Variants in MBTPS1 observed in about 807,000 individuals in gnomAD.
MBTPS1 encodes the protein membrane bound transcription factor peptidase, site 1, also known as membrane-bound transcription factor site-1 protease.
Under a neutral mutation model 127.8 loss-of-function variants are expected in MBTPS1, and 94 were observed. That is an observed-to-expected ratio of 0.74 (90% confidence interval 0.62 to 0.87). The LOEUF is 0.87. MBTPS1 is among the 40% of genes least tolerant of loss of function. The probability of loss-of-function intolerance (pLI) is 0.00; values close to 1 mark genes in which losing one functional copy is unlikely to be tolerated. For missense variants in MBTPS1, 1,636 were observed against 1,353.2 expected (o/e 1.21, Z -3.28); for synonymous variants, 632 against 509.4 (o/e 1.24, Z -3.24).
At chr16:84,095,900 CA>C (rs978484895) in intron 3 of MBTPS1, 95 bp from the exon 4 acceptor site, 1 of 946,130 alleles carries the variant, frequency 1.1e-6, no homozygotes, top group Non-Finnish European at 1.6e-6. Context: ...GGAGGATTAC[CA>C]TTTGCCACTC....
Position 84,090,939 on chromosome 16 carries a change from A to T in MBTPS1, c.967T>A (p.Trp323Arg), listed in dbSNP as rs1167876966. ...FMDHPFVDKV[W>R]ELTANNVIMV... is the part of the protein sequence containing the mutation. ...ATTACATTGTTAGCTGTTAATTCCC[A>T]CACCTACAAAAGGAGCATTTATTTA... is the stretch of plus-strand genomic sequence containing the variant. The change falls in exon 8 of 23, where the codon TGG becomes AGG. Residue 323 changes from tryptophan (W) to arginine (R), a missense_variant. By Grantham distance (101) the Trp-to-Arg change is moderately radical. Transcript: ENST00000343411. 5 of 1,608,346 alleles carry T rather than the reference A, an allele frequency of 3.1e-6. No homozygotes were observed. Among genetic ancestry groups the T allele is most frequent in the Non-Finnish European group, 4.3e-6 (5 of 1,175,514 alleles).
At chr16:84,113,570 C>T (rs1160314764) in intron 1 of MBTPS1, among the ~76,000 whole-genome samples, 2 of 152,208 alleles carry the variant, frequency 1.3e-5, no homozygotes, top group African/African-American at 2.4e-5. Flanking sequence ...TTCTTTGCAG[C>T]TCTTGGAGTC....
intron 18 of MBTPS1, among the ~76,000 whole-genome samples, chr16:84,063,986 A>G (rs1313231173): frequency 6.6e-6 from 1 of 152,234 alleles, no homozygotes; most frequent in Non-Finnish European, 1.5e-5. Flanking sequence ...CGGTTACATT[A>G]ATTTCACAAA....
chr16:84,081,087 C>G lies in MBTPS1; in HGVS notation c.1448+660G>C, dbSNP rs562585098. Among the ~76,000 whole-genome samples the G allele has an allele frequency of 3.9e-5, 6 of 152,320 alleles. No homozygotes were observed. In the East Asian group the frequency reaches 7.7e-4, roughly 20 times the overall value. ...ATGGGCGGAATCTGCGTGAAGCCTG[C>G]AGGTCAGTCAGCAGTGCTACATCAA... On this transcript the variant is annotated intron_variant, in intron 11 of 22. Coordinates refer to ENST00000343411, the MANE Select transcript of MBTPS1 (RefSeq NM_003791.4).
intron 8 of MBTPS1, among the ~76,000 whole-genome samples, chr16:84,089,031 G>A (rs1414605789): frequency 6.6e-6 from 1 of 152,256 alleles, no homozygotes; most frequent in Non-Finnish European, 1.5e-5. Flanking sequence ...AAAAGCCACA[G>A]GGTTTCAGAA....
At chr16:84,101,440 G>A (rs557718199) in intron 2 of MBTPS1, among the ~76,000 whole-genome samples, 181 bp downstream of exon 2, 3 of 151,326 alleles carry the variant, frequency 2.0e-5, no homozygotes, top group Non-Finnish European at 2.9e-5. Flanking sequence ...ACAGTGAGCC[G>A]AGATCATGCC....
rs1486515850 is a variant in MBTPS1 at position 84,097,872 on chromosome 16, T to TG, written c.421+1180_421+1181insC. On this transcript the variant is annotated intron_variant, in intron 3 of 22. Transcript: ENST00000343411. Reference sequence around the variant, plus strand: ...TGTGTGTGTGTGTGTGTGTGTGTGTTTGTGTGTGTGTTTAATGCAGCAAAA... The same window carrying TG: ...TGTGTGTGTGTGTGTGTGTGTGTGTTGTGTGTGTGTGTTTAATGCAGCAAAA... 3.5e-3 allele frequency among the ~76,000 whole-genome samples: 326 copies of TG among 92,314 alleles called. 2 individuals carry two copies. The highest frequency in any genetic ancestry group is 8.6e-3 in the African/African-American group (226 of 26,336). The allele number at this position is 92,314 out of a possible 152,430, so 60.6% of individuals were successfully genotyped here.
chr16:84,062,309 C>T (rs144710278), intron 19 of MBTPS1, among the ~76,000 whole-genome samples: 1,942 of 152,140 alleles, frequency 0.013, 51 homozygotes, highest in African/African-American at 0.044. Context: ...TTAGTAGAGA[C>T]GCGGTTTCAC....
intron 2 of MBTPS1, 60 bp from the exon 3 acceptor site, chr16:84,099,370 A>G (rs2086223640): frequency 2.0e-6 from 3 of 1,515,066 alleles, no homozygotes; most frequent in East Asian, 2.3e-5. Context: ...AACATATACT[A>G]TATTGTATCT....
intron 4 of MBTPS1, 88 bp from the exon 5 acceptor site, chr16:84,093,909 C>A: frequency 1.0e-6 from 1 of 957,304 alleles, no homozygotes. Flanking sequence ...TTCCTGGGAC[C>A]CACAGAAAAT....
rs2086142598 is a variant in MBTPS1, at chr16:84,093,748, C to CT, written c.698dup (p.Arg234GlufsTer48). On this transcript the variant is annotated frameshift_variant, in exon 5 of 23. Transcript: ENST00000343411. LOFTEE classifies it high-confidence loss of function. ...TTCGCTCGTTGGTCCAGTTGGTTCT[C>CT]TCCTTCACATTTTTGAAGTGGGGAT... 1 of 1,614,094 alleles carries CT rather than the reference C, an allele frequency of 6.2e-7. No individual in the cohort carries two copies. Among genetic ancestry groups the CT allele is most frequent in the African/African-American group, 1.3e-5 (1 of 74,936 alleles).
chr16:84,060,947 C>A (rs1166427352), intron 19 of MBTPS1, 134 bp from the exon 20 acceptor site: 8 of 757,408 alleles, frequency 1.1e-5, no homozygotes, highest in Non-Finnish European at 2.1e-6. Context: ...GATCCTCCTG[C>A]CTCAGCCTCC....
chr16:84,107,463 T>C (rs2086340356), intron 1 of MBTPS1, among the ~76,000 whole-genome samples: 1 of 152,118 alleles, frequency 6.6e-6, no homozygotes, highest in South Asian at 2.1e-4. Flanking sequence ...CTTGCGTTCC[T>C]AAAAGGTGAG....
chr16:84,055,979 C>T, intron 22 of MBTPS1, 26 bp downstream of exon 22: 1 of 1,601,608 alleles, frequency 6.2e-7, no homozygotes, highest in Non-Finnish European at 8.5e-7. Flanking sequence ...TGACTGAGCA[C>T]AATCACAAAG....
chr16:84,065,859 G>C (rs796993288), intron 17 of MBTPS1, 92 bp from the exon 18 acceptor site: 24 of 682,310 alleles, frequency 3.5e-5, no homozygotes, highest in Non-Finnish European at 1.9e-5. Flanking sequence ...ACATTCTTCA[G>C]ATGCTATGTA....
chr16:84,090,644 T>A (rs543174019), intron 8 of MBTPS1, among the ~76,000 whole-genome samples: 17 of 152,162 alleles, frequency 1.1e-4, no homozygotes, highest in Non-Finnish European at 2.1e-4. Context: ...TTTAAAAATA[T>A]ATAAATAGAA....
chr16:84,113,009 T>C (rs2086420843), intron 1 of MBTPS1, among the ~76,000 whole-genome samples: 1 of 151,882 alleles, frequency 6.6e-6, no homozygotes, highest in Non-Finnish European at 1.5e-5. Context: ...AAATCATACT[T>C]TCTGGTAAGA....
intron 11 of MBTPS1, 60 bp from the exon 12 acceptor site, chr16:84,074,801 C>T: frequency 1.4e-6 from 2 of 1,474,840 alleles, no homozygotes; most frequent in Non-Finnish European, 1.9e-6. Context: ...TGAAGCAACA[C>T]AACTGTACAA....
At chr16:84,099,414 A>C in intron 2 of MBTPS1, 104 bp from the exon 3 acceptor site, 2 of 1,159,470 alleles carry the variant, frequency 1.7e-6, no homozygotes, top group Non-Finnish European at 2.4e-6. Flanking sequence ...AATTATCTTA[A>C]AGCCCACAGC....
Sources: allele counts gnomAD v4.1 joint callset (sites outside exome capture counted in the v4.1 genomes callset), GRCh38; gene constraint gnomAD v4.1.1; transcripts MANE v1.5; gene names NCBI Gene and HGNC (gene_info 2026-07-23, HGNC 2026-07-21).